The following SPTBN1 variants were observed in gnomAD, a reference collection of about 807,000 sequenced individuals.
SPTBN1 encodes spectrin beta, non-erythrocytic 1.
A neutral mutation model predicts 266.4 loss-of-function variants in SPTBN1; 32 were observed. The ratio of observed to expected loss-of-function variants is 0.12; its 90% CI spans 0.09 to 0.16. The LOEUF (loss-of-function observed/expected upper bound fraction) is 0.16. Among genes scored for constraint, SPTBN1 ranks in the 10% least tolerant of loss-of-function variants. SPTBN1 has a pLI of 1.00. For missense variants in SPTBN1, 2,296 were observed against 3,067.1 expected (o/e 0.75, Z 5.94); for synonymous variants, 1,336 against 1,162.2 (o/e 1.15, Z -3.04).
intron 26 of SPTBN1, among the ~76,000 whole-genome samples, chr2:54,650,514 C>T (rs1340242234): frequency 6.6e-6 from 1 of 152,216 alleles, no homozygotes; most frequent in Non-Finnish European, 1.5e-5. Flanking sequence ...TTTCTGATCT[C>T]TGCACAGTTT....
intron 17 of SPTBN1, among the ~76,000 whole-genome samples, chr2:54,634,310 C>T (rs1367670566): frequency 2.6e-5 from 4 of 152,282 alleles, no homozygotes; most frequent in Non-Finnish European, 4.4e-5. Context: ...TATGATAAAA[C>T]GTTTCAGCAG....
At chr2:54,463,537 G>A (rs1693476809) in intron 1 of SPTBN1, among the ~76,000 whole-genome samples, 2 of 152,194 alleles carry the variant, frequency 1.3e-5, no homozygotes. Context: ...GTGACCTTGG[G>A]CAAACTGCCT....
chr2:54,465,678 T>C (rs4671937), intron 1 of SPTBN1, among the ~76,000 whole-genome samples: 83,954 of 139,610 alleles, frequency 0.6, 26,776 homozygotes, highest in African/African-American at 0.81. Context: ...ATCTCACACA[T>C]GGGAGAGAGA....
At chr2:54,655,632 C>T (rs778474351) in intron 28 of SPTBN1, among the ~76,000 whole-genome samples, 11 of 152,204 alleles carry the variant, frequency 7.2e-5, no homozygotes, top group African/African-American at 2.4e-4. Flanking sequence ...GGGCTTTGTC[C>T]GTCTTGCTGT....
intron 1 of SPTBN1, among the ~76,000 whole-genome samples, chr2:54,497,831 C>T (rs564096462): frequency 5.3e-5 from 8 of 152,282 alleles, no homozygotes; most frequent in Admixed American, 6.5e-5. Flanking sequence ...TCTGGCTGAA[C>T]TCTGCTTACA....
intron 2 of SPTBN1, among the ~76,000 whole-genome samples, chr2:54,531,935 A>C (rs1671275850): frequency 6.6e-6 from 1 of 152,132 alleles, no homozygotes; most frequent in African/African-American, 2.4e-5. Context: ...TGCAAGTTGA[A>C]TGATAAGAAA....
intron 1 of SPTBN1, among the ~76,000 whole-genome samples, chr2:54,482,526 G>A (rs998827321): frequency 5.9e-5 from 9 of 152,074 alleles, no homozygotes; most frequent in Admixed American, 2.0e-4. Context: ...CTATCCTCTG[G>A]CCTCCCCTCA....
chr2:54,471,388 G>C (rs1232018184), intron 1 of SPTBN1, among the ~76,000 whole-genome samples: 1 of 152,020 alleles, frequency 6.6e-6, no homozygotes, highest in African/African-American at 2.4e-5. Context: ...TTCTCCCCAG[G>C]TTGAGCAGTT....
intron 1 of SPTBN1, among the ~76,000 whole-genome samples, chr2:54,475,969 CTTG>C (rs1364400983): frequency 6.6e-6 from 1 of 152,162 alleles, no homozygotes; most frequent in African/African-American, 2.4e-5. Context: ...AAGGTTCATT[CTTG>C]TTGTATGCTT....
chr2:54,581,278 C>A (rs80244716), intron 2 of SPTBN1, among the ~76,000 whole-genome samples: 4,456 of 152,148 alleles, frequency 0.029, 169 homozygotes, highest in Admixed American at 0.12. Flanking sequence ...TGTGCATAAT[C>A]ATCAAGTACT....
chr2:54,639,830 C>G (rs1029262915), intron 18 of SPTBN1, among the ~76,000 whole-genome samples: 1 of 152,204 alleles, frequency 6.6e-6, no homozygotes, highest in African/African-American at 2.4e-5. Flanking sequence ...GACTTCTCCT[C>G]AAAGGACACA....
At chr2:54,538,038 A>C (rs1475518534) in intron 2 of SPTBN1, among the ~76,000 whole-genome samples, 7 of 152,240 alleles carry the variant, frequency 4.6e-5, no homozygotes, top group Admixed American at 4.6e-4. Context: ...AATGTTTACG[A>C]CACATTTTCA....
rs901592008 is a variant in SPTBN1 at position 54,648,978 on chromosome 2, T to C, written c.4998-8T>C. 6.3e-7 allele frequency: 1 copy of C among 1,585,602 alleles called. No homozygotes were observed. ...CTTTTTCTCCCCATTGCTCCTTTTCTTTTTCAGTGAGCGCATTAGCATGCG... is the reference window on the plus strand; with the variant it reads ...CTTTTTCTCCCCATTGCTCCTTTTCCTTTTCAGTGAGCGCATTAGCATGCG... On this transcript the variant is annotated splice_polypyrimidine_tract_variant and splice_region_variant and intron_variant, in intron 24 of 35. Transcript: ENST00000356805.
intron 2 of SPTBN1, among the ~76,000 whole-genome samples, chr2:54,581,266 G>A (rs943580766): frequency 2.6e-5 from 4 of 152,098 alleles, no homozygotes; most frequent in African/African-American, 9.7e-5. Flanking sequence ...CAACAAAGGG[G>A]TTGTGCATAA....
intron 1 of SPTBN1, among the ~76,000 whole-genome samples, chr2:54,523,531 C>T (rs1670613032): frequency 6.6e-6 from 1 of 152,178 alleles, no homozygotes; most frequent in East Asian, 1.9e-4. Context: ...GCTGGTACCA[C>T]CCAAGAGCCT....
intron 2 of SPTBN1, among the ~76,000 whole-genome samples, chr2:54,568,367 A>G (rs1378922819): frequency 1.3e-5 from 2 of 151,622 alleles, no homozygotes; most frequent in South Asian, 2.1e-4. Flanking sequence ...AAAAAAAAAA[A>G]AAAAAGAAGA....
rs1677689094 is a variant in SPTBN1, at chr2:54,617,604, G to A, written c.567-4G>A. 1 of 1,613,994 alleles carries A rather than the reference G, an allele frequency of 6.2e-7. No homozygotes were observed. The highest frequency in any genetic ancestry group is 8.5e-7 in the Non-Finnish European group (1 of 1,179,950). On this transcript the variant is annotated splice_region_variant and splice_polypyrimidine_tract_variant and intron_variant, in intron 5 of 35. Transcript: ENST00000356805. Reference sequence around the variant, plus strand: ...GCTTTTCCCTTCTGCTTTGTCCTTGGCAGGTACCCCAATGTCAACATTCAC... The same window carrying A: ...GCTTTTCCCTTCTGCTTTGTCCTTGACAGGTACCCCAATGTCAACATTCAC...
chr2:54,480,143 C>G (rs1668027013), intron 1 of SPTBN1, among the ~76,000 whole-genome samples: 1 of 152,118 alleles, frequency 6.6e-6, no homozygotes, highest in African/African-American at 2.4e-5. Flanking sequence ...GCACCTGTGG[C>G]CCAGAGATGG....
chr2:54,620,667 TAC>T (rs1373837741), intron 7 of SPTBN1, among the ~76,000 whole-genome samples: 1 of 152,120 alleles, frequency 6.6e-6, no homozygotes, highest in Non-Finnish European at 1.5e-5. Context: ...TAGTAAGGAA[TAC>T]AGTGTTTGAG....
Sources: gnomAD v4.1 joint callset for allele counts (sites outside exome capture counted in the v4.1 genomes callset) on GRCh38, gnomAD v4.1.1 for gene constraint, MANE v1.5 for transcripts, NCBI Gene and HGNC (gene_info 2026-07-23, HGNC 2026-07-21) for gene names.